The following WWOX variants were observed in gnomAD, a reference collection of about 807,000 sequenced individuals.
WWOX encodes WW domain containing oxidoreductase, also known as WW domain-containing oxidoreductase.
In WWOX, 69 loss-of-function variants were observed where a neutral mutation model predicts 46.2. The observed-to-expected ratio is 1.49, with a 90% confidence interval of 1.23 to 1.82. The LOEUF (loss-of-function observed/expected upper bound fraction) is 1.82. WWOX is among the 40% of genes most tolerant of loss of function. WWOX has a pLI of 0.00. For synonymous variants in WWOX, 359 were observed against 202.6 expected, an observed-to-expected ratio of 1.77 and a Z score of -6.56; for missense variants, 919 against 542.6, an observed-to-expected ratio of 1.69 and a Z score of -6.89.
intron 8 of WWOX, among the ~76,000 whole-genome samples, chr16:79,042,728 G>GT (rs11379084): frequency 0.61 from 87,201 of 143,000 alleles, 26,376 homozygotes; most frequent in East Asian, 0.71. Flanking sequence ...AATACTCAGG[G>GT]TTTTTTTTTT....
chr16:78,555,398 T>A (rs1411870271), intron 8 of WWOX, among the ~76,000 whole-genome samples: 1 of 152,170 alleles, frequency 6.6e-6, no homozygotes, highest in African/African-American at 2.4e-5. Flanking sequence ...GAAGGCGATG[T>A]GTATAGCATA....
chr16:79,102,887 C>G (rs2049229839), intron 8 of WWOX, among the ~76,000 whole-genome samples: 1 of 152,160 alleles, frequency 6.6e-6, no homozygotes, highest in Non-Finnish European at 1.5e-5. Flanking sequence ...TGTACTTGGG[C>G]ACGCACATGC....
intron 8 of WWOX, among the ~76,000 whole-genome samples, chr16:79,062,457 C>A (rs868318788): frequency 6.6e-6 from 1 of 152,086 alleles, no homozygotes; most frequent in Non-Finnish European, 1.5e-5. Context: ...GAGGACACTT[C>A]CCGGTGCCGT....
At chr16:78,310,321 G>A (rs1042167370) in intron 5 of WWOX, among the ~76,000 whole-genome samples, 1 of 152,188 alleles carries the variant, frequency 6.6e-6, no homozygotes, top group Non-Finnish European at 1.5e-5. Context: ...CTCCTGGCCA[G>A]TGTTTGGCAT....
At chr16:78,956,336 G>T (rs1035980742) in intron 8 of WWOX, among the ~76,000 whole-genome samples, 1 of 152,012 alleles carries the variant, frequency 6.6e-6, no homozygotes, top group Admixed American at 6.6e-5. Flanking sequence ...TATATTTTTA[G>T]TGAAGGCGGA....
chr16:78,968,190 C>T (rs1055112914), intron 8 of WWOX, among the ~76,000 whole-genome samples: 2 of 151,876 alleles, frequency 1.3e-5, no homozygotes, highest in South Asian at 2.1e-4. Flanking sequence ...TGGCACAGTG[C>T]GTGGTCTGCA....
chr16:79,066,161 C>T (rs561904080), intron 8 of WWOX, among the ~76,000 whole-genome samples: 2 of 152,250 alleles, frequency 1.3e-5, no homozygotes, highest in African/African-American at 4.8e-5. Flanking sequence ...TTGAGTTTGC[C>T]GTCCTCTCTT....
intron 8 of WWOX, among the ~76,000 whole-genome samples, chr16:78,904,120 C>T (rs998363411): frequency 6.6e-6 from 1 of 151,774 alleles, no homozygotes; most frequent in Non-Finnish European, 1.5e-5. Context: ...AGAGCTTTTG[C>T]AGTTATTAAA....
chr16:78,530,360 T>C (rs1383726727), intron 8 of WWOX, among the ~76,000 whole-genome samples: 4 of 152,164 alleles, frequency 2.6e-5, no homozygotes, highest in South Asian at 2.1e-4. Flanking sequence ...ATTTTAAGGA[T>C]GGCAGATGTG....
intron 5 of WWOX, among the ~76,000 whole-genome samples, chr16:78,225,091 G>T (rs925013776): frequency 5.3e-5 from 8 of 152,154 alleles, no homozygotes; most frequent in Admixed American, 2.0e-4. Flanking sequence ...TCGGAATTCT[G>T]TCATTGCATG....
chr16:79,196,617 C>T (rs1406726468), intron 8 of WWOX: 1 of 152,230 alleles, frequency 6.6e-6, no homozygotes, highest in African/African-American at 2.4e-5. Flanking sequence ...TGATACTCCA[C>T]ATACCCAGTC....
At chr16:78,323,904 G>A (rs1049536757) in intron 5 of WWOX, among the ~76,000 whole-genome samples, 2 of 152,164 alleles carry the variant, frequency 1.3e-5, no homozygotes, top group African/African-American at 4.8e-5. Flanking sequence ...GTGCAGTATG[G>A]TCTGAATAAT....
At chr16:78,397,258 G>A (rs2082308411) in intron 6 of WWOX, among the ~76,000 whole-genome samples, 1 of 151,338 alleles carries the variant, frequency 6.6e-6, no homozygotes, top group South Asian at 2.1e-4. Flanking sequence ...AGATACTGAA[G>A]CGCTAATTGG....
intron 8 of WWOX, among the ~76,000 whole-genome samples, chr16:78,595,571 T>A (rs1440389996): frequency 1.3e-5 from 2 of 152,198 alleles, no homozygotes; most frequent in African/African-American, 4.8e-5. Flanking sequence ...CAGTTAGCTA[T>A]CAGAGATATA....
At chr16:78,438,262 A>C (rs1034862736) in intron 8 of WWOX, among the ~76,000 whole-genome samples, 1 of 152,250 alleles carries the variant, frequency 6.6e-6, no homozygotes, top group African/African-American at 2.4e-5. Context: ...AAAAGCACAG[A>C]AACCTCATGC....
intron 8 of WWOX, among the ~76,000 whole-genome samples, chr16:78,557,564 A>C (rs950829424): frequency 2.0e-5 from 3 of 152,140 alleles, no homozygotes; most frequent in Non-Finnish European, 4.4e-5. Context: ...GTTTCCAAGA[A>C]GGGAGTGGCA....
At chr16:78,877,477 C>G (rs1043402205) in intron 8 of WWOX, among the ~76,000 whole-genome samples, 2 of 152,218 alleles carry the variant, frequency 1.3e-5, no homozygotes, top group African/African-American at 4.8e-5. Context: ...TCAACTGACA[C>G]TTTCTCAGTG....
At chr16:78,651,816 C>G (rs374949043) in intron 8 of WWOX, among the ~76,000 whole-genome samples, 3 of 152,182 alleles carry the variant, frequency 2.0e-5, no homozygotes, top group East Asian at 3.9e-4. Flanking sequence ...TTCTAACAAA[C>G]TGATTGGTTG....
intron 8 of WWOX, among the ~76,000 whole-genome samples, chr16:78,771,010 C>T (rs1305483735): frequency 6.6e-6 from 1 of 152,192 alleles, no homozygotes; most frequent in African/African-American, 2.4e-5. Context: ...GAAGGGATTG[C>T]TGGAGGCAGA....
Sources: gnomAD v4.1 joint callset for allele counts (sites outside exome capture counted in the v4.1 genomes callset) on GRCh38, gnomAD v4.1.1 for gene constraint, MANE v1.5 for transcripts, NCBI Gene and HGNC (gene_info 2026-07-23, HGNC 2026-07-21) for gene names.